Variants in NAV3 observed in about 807,000 individuals in gnomAD.
NAV3 encodes pore membrane and/or filament interacting like protein 1.
Under a neutral mutation model 244.7 loss-of-function variants are expected in NAV3, and 87 were observed. The observed-to-expected ratio is 0.36, with a 90% CI of 0.30 to 0.42. The LOEUF is 0.42. Ranked by LOEUF, NAV3 falls within the 20% of genes least tolerant of loss-of-function variation. The pLI is 1.00. For missense variants in NAV3, 2,663 were observed against 2,893.3 expected, an observed-to-expected ratio of 0.92 and a Z score of 1.83; for synonymous variants, 1,126 against 1,042.2, an observed-to-expected ratio of 1.08 and a Z score of -1.55.
chr12:77,921,544 C>T (rs1433339508), intron 1 of NAV3, among the ~76,000 whole-genome samples: 1 of 151,986 alleles, frequency 6.6e-6, no homozygotes, highest in Non-Finnish European at 1.5e-5. Context: ...TTAAGAACTG[C>T]AGTTTGGAAC....
chr12:77,655,918 G>A (rs1042003204), intron 2 of NAV3, among the ~76,000 whole-genome samples: 11 of 144,600 alleles, frequency 7.6e-5, no homozygotes, highest in Non-Finnish European at 1.6e-4. Context: ...GAGAGATTTT[G>A]TCACCACCAG....
At chr12:77,869,438 G>A (rs958361220) in intron 1 of NAV3, among the ~76,000 whole-genome samples, 8 of 152,072 alleles carry the variant, frequency 5.3e-5, no homozygotes, top group Non-Finnish European at 1.2e-4. Context: ...CTATAATTGC[G>A]CATAATATAT....
intron 3 of NAV3, among the ~76,000 whole-genome samples, chr12:77,960,738 C>A (rs965707399): frequency 1.4e-5 from 2 of 146,452 alleles, no homozygotes; most frequent in Non-Finnish European, 3.0e-5. Flanking sequence ...ACATATGTAT[C>A]ATGTATATAA....
chr12:78,121,798 A>G, intron 15 of NAV3, 142 bp from the exon 16 acceptor site: 1 of 1,074,384 alleles, frequency 9.3e-7, no homozygotes. Context: ...AAGCTTATAA[A>G]AGTTCATTAA....
At chr12:78,065,914 T>C (rs1365321206) in intron 12 of NAV3, among the ~76,000 whole-genome samples, 1 of 152,130 alleles carries the variant, frequency 6.6e-6, no homozygotes, top group Non-Finnish European at 1.5e-5. Flanking sequence ...TTAAGGAAGA[T>C]AGAAGAATCT....
rs1025586697 is a variant in NAV3, at chr12:78,122,534, CA to C, written c.4238+111del. Reference sequence around the variant, plus strand: ...TGATTTCACTGTGAGTGCCCCGGTGCAAAAAGATGTAAGACTGATGAAACCG... The same window carrying C: ...TGATTTCACTGTGAGTGCCCCGGTGCAAAAGATGTAAGACTGATGAAACCG... On this transcript the variant is annotated intron_variant, in intron 16 of 39. Transcript: ENST00000397909. 1.3e-5 allele frequency: 18 copies of C among 1,354,812 alleles called. No homozygotes were observed. In the Admixed American group the frequency reaches 3.7e-4, roughly 28 times the overall value. The allele number at this position is 1,354,812 out of a possible 1,614,324, so 83.9% of individuals were successfully genotyped here. A position where few individuals can be genotyped will look rare whatever the true frequency, so the allele number is the denominator to read the frequency against.
intron 2 of NAV3, among the ~76,000 whole-genome samples, chr12:77,657,753 T>C (rs1873192538): frequency 6.6e-6 from 1 of 152,146 alleles, no homozygotes; most frequent in Non-Finnish European, 1.5e-5. Context: ...CAAAAGCTTA[T>C]CCACCATGAT....
At chr12:77,967,423 A>G (rs988196546) in intron 4 of NAV3, among the ~76,000 whole-genome samples, 4 of 152,132 alleles carry the variant, frequency 2.6e-5, no homozygotes, top group Admixed American at 1.3e-4. Flanking sequence ...ACTATGAGAA[A>G]TGTTTGGGGG....
intron 7 of NAV3, among the ~76,000 whole-genome samples, chr12:78,003,330 T>C (rs1269005404): frequency 2.6e-5 from 4 of 152,152 alleles, no homozygotes; most frequent in African/African-American, 9.6e-5. Flanking sequence ...ATAGCCACAT[T>C]GTTTAATCAT....
intron 12 of NAV3, among the ~76,000 whole-genome samples, chr12:78,069,236 A>G (rs953279551): frequency 6.0e-4 from 91 of 151,994 alleles, no homozygotes; most frequent in African/African-American, 2.1e-3. Flanking sequence ...GAGCTCCCAT[A>G]TGTTTTTTTA....
intron 9 of NAV3, chr12:78,036,994 G>A (rs1433168468): frequency 1.4e-6 from 1 of 702,936 alleles, no homozygotes; most frequent in Non-Finnish European, 2.6e-6. Flanking sequence ...CCCACGGTGC[G>A]CATTTCCAAC....
At chr12:77,588,729 A>G (rs774318214) in intron 2 of NAV3, among the ~76,000 whole-genome samples, 3 of 152,236 alleles carry the variant, frequency 2.0e-5, no homozygotes, top group Non-Finnish European at 4.4e-5. Flanking sequence ...GCAAGTACTT[A>G]TAAAGAAAGT....
intron 1 of NAV3, among the ~76,000 whole-genome samples, chr12:77,898,162 C>T (rs1884845795): frequency 6.6e-6 from 1 of 152,124 alleles, no homozygotes; most frequent in Admixed American, 6.5e-5. Flanking sequence ...AGATTTTTGG[C>T]ATTTGGTATT....
At chr12:77,875,860 G>A (rs1474451002) in intron 1 of NAV3, among the ~76,000 whole-genome samples, 1 of 151,878 alleles carries the variant, frequency 6.6e-6, no homozygotes, top group African/African-American at 2.4e-5. Context: ...CTATCAATAG[G>A]CAATACTTAA....
intron 1 of NAV3, among the ~76,000 whole-genome samples, chr12:77,843,215 T>A (rs949673028): frequency 6.6e-6 from 1 of 152,206 alleles, no homozygotes; most frequent in African/African-American, 2.4e-5. Context: ...CCTTCCTCCA[T>A]TGAATACAAG....
intron 3 of NAV3, among the ~76,000 whole-genome samples, chr12:77,958,142 A>G (rs1461662350): frequency 1.3e-5 from 2 of 152,180 alleles, no homozygotes; most frequent in African/African-American, 4.8e-5. Flanking sequence ...TAATTTAGCA[A>G]TCAGACATGT....
At chr12:77,873,526 T>C (rs1467908915) in intron 1 of NAV3, among the ~76,000 whole-genome samples, 1 of 151,484 alleles carries the variant, frequency 6.6e-6, no homozygotes, top group East Asian at 1.9e-4. Flanking sequence ...ATTTCTAATA[T>C]TTAGCATTTC....
intron 2 of NAV3, among the ~76,000 whole-genome samples, chr12:77,616,812 C>T (rs538978019): frequency 2.0e-5 from 3 of 152,158 alleles, no homozygotes; most frequent in South Asian, 4.1e-4. Context: ...AAACTTATTG[C>T]TAGCTGTGTA....
intron 2 of NAV3, among the ~76,000 whole-genome samples, chr12:77,707,604 A>G (rs1356674253): frequency 6.6e-6 from 1 of 152,146 alleles, no homozygotes; most frequent in African/African-American, 2.4e-5. Flanking sequence ...GTCAAATGGT[A>G]TTTCTAGTTC....
Sources: gnomAD v4.1 joint callset for allele counts (sites outside exome capture counted in the v4.1 genomes callset) on GRCh38, gnomAD v4.1.1 for gene constraint, MANE v1.5 for transcripts, NCBI Gene and HGNC (gene_info 2026-07-23, HGNC 2026-07-21) for gene names.